TRDN: variants seen among roughly 807,000 people sequenced by gnomAD.
TRDN encodes triadin in skeletal muscle.
Under a neutral mutation model 149.7 loss-of-function variants are expected in TRDN, and 161 were observed. That is an observed-to-expected ratio of 1.08 (90% confidence interval 0.95 to 1.23). The LOEUF (loss-of-function observed/expected upper bound fraction) is 1.23, where lower values mean the gene tolerates loss of function less well. Among genes scored for constraint, TRDN ranks in the 50% most tolerant of loss-of-function variants. TRDN has a pLI of 0.00. For missense variants in TRDN, 896 were observed against 823.5 expected (o/e 1.09, Z -1.08); for synonymous variants, 294 against 250.5 (o/e 1.17, Z -1.64).
chr6:123,453,129 G>A (rs188669064), intron 10 of TRDN, among the ~76,000 whole-genome samples: 1 of 152,222 alleles, frequency 6.6e-6, no homozygotes, highest in East Asian at 1.9e-4. Flanking sequence ...TTAAACCTAA[G>A]ACATGAAACT....
At chr6:123,282,142 G>A (rs1292295411) in intron 24 of TRDN, among the ~76,000 whole-genome samples, 1 of 151,928 alleles carries the variant, frequency 6.6e-6, no homozygotes, top group Non-Finnish European at 1.5e-5. Flanking sequence ...GGCAGAGACT[G>A]GAGGATGGGA....
At chr6:123,360,228 G>A (rs943793394) in intron 20 of TRDN, among the ~76,000 whole-genome samples, 1 of 152,092 alleles carries the variant, frequency 6.6e-6, no homozygotes, top group African/African-American at 2.4e-5. Flanking sequence ...AAAATTCTGA[G>A]ATGGGGACAC....
At chr6:123,576,620 C>A (rs1333572928) in intron 1 of TRDN, among the ~76,000 whole-genome samples, 2 of 152,014 alleles carry the variant, frequency 1.3e-5, no homozygotes, top group Non-Finnish European at 2.9e-5. Flanking sequence ...CATTCATGGG[C>A]TCCACCTTCC....
intron 2 of TRDN, among the ~76,000 whole-genome samples, chr6:123,548,971 G>A (rs1781254745): frequency 6.6e-6 from 1 of 152,026 alleles, no homozygotes; most frequent in South Asian, 2.1e-4. Context: ...CATATTGTAT[G>A]GGACAGCATT....
intron 8 of TRDN, among the ~76,000 whole-genome samples, chr6:123,499,913 G>A (rs1412225639): frequency 1.3e-5 from 2 of 150,676 alleles, no homozygotes; most frequent in Admixed American, 1.3e-4. Flanking sequence ...GATGTGTATA[G>A]GTTATATGCA....
At chr6:123,477,302 T>G (rs1191741433) in intron 9 of TRDN, among the ~76,000 whole-genome samples, 3 of 136,586 alleles carry the variant, frequency 2.2e-5, no homozygotes, top group Non-Finnish European at 1.6e-5. Flanking sequence ...AAAAAACACA[T>G]GAAAAAATGC....
In TRDN at chr6:123,503,902, C is replaced by A; in HGVS notation, c.611-1G>T. ...TCTGCAGTCTTAGCTTTCTTCTGTTCTGTATAAAGTTAAAAGATGTTGAAA... is the reference window on the plus strand; with the variant it reads ...TCTGCAGTCTTAGCTTTCTTCTGTTATGTATAAAGTTAAAAGATGTTGAAA... On this transcript the variant is annotated splice_acceptor_variant, in intron 7 of 40. Transcript: ENST00000334268. LOFTEE classifies it high-confidence loss of function. 6.4e-7 allele frequency: 1 copy of A among 1,551,194 alleles called. No homozygotes were observed. Among genetic ancestry groups the A allele is most frequent in the African/African-American group, 1.4e-5 (1 of 72,900 alleles).
In TRDN at chr6:123,252,431, T is replaced by A; in HGVS notation, c.1956A>T (p.Glu652Asp). Residue 652 changes from glutamate (E) to aspartate (D), a missense_variant, in exon 38 of 41, where the codon GAA becomes GAT. Glu to Asp is a conservative substitution (Grantham distance 45). Transcript: ENST00000334268. ...SLQLHNVTKAEKPARVSKDVE... is the reference protein window; with the variant it reads ...SLQLHNVTKADKPARVSKDVE... Reference sequence around the variant, plus strand: ...ACTTACTTGATACTCTTGCAGGTTTTTCTGCTAAAAAGAGAAAATAAATAA... The same window carrying A: ...ACTTACTTGATACTCTTGCAGGTTTATCTGCTAAAAAGAGAAAATAAATAA... 1 of 1,522,488 alleles carries A rather than the reference T, an allele frequency of 6.6e-7. No homozygotes were observed. Among genetic ancestry groups the A allele is most frequent in the Non-Finnish European group, 9.0e-7 (1 of 1,115,736 alleles). 94.3% of individuals were successfully genotyped at this position (1,522,488 alleles called of 1,614,324 possible).
chr6:123,592,779 G>T (rs552301231), intron 1 of TRDN, among the ~76,000 whole-genome samples: 12 of 152,228 alleles, frequency 7.9e-5, no homozygotes, highest in Admixed American at 3.3e-4. Flanking sequence ...CATGTTTTTG[G>T]AACCTACTAA....
chr6:123,264,554 C>T (rs1002581651), intron 33 of TRDN, among the ~76,000 whole-genome samples: 1 of 152,100 alleles, frequency 6.6e-6, no homozygotes, highest in African/African-American at 2.4e-5. Flanking sequence ...TAGAACATTC[C>T]ATAAACTTAG....
chr6:123,438,044 A>G lies in TRDN; in HGVS notation c.1051+19T>C. 1 of 1,591,782 alleles carries G rather than the reference A, an allele frequency of 6.3e-7. No homozygotes were observed. Among genetic ancestry groups the G allele is most frequent in the Non-Finnish European group, 8.6e-7 (1 of 1,167,000 alleles). ...ATCCTGAACGTAATCCATCTAAGGA[A>G]ACAAAGAAAGTGCAATACCTTTTTT... On this transcript the variant is annotated intron_variant, in intron 12 of 40. Transcript: ENST00000334268.
At chr6:123,221,964 A>G (rs1041193959) in intron 39 of TRDN, among the ~76,000 whole-genome samples, 1 of 151,746 alleles carries the variant, frequency 6.6e-6, no homozygotes, top group Non-Finnish European at 1.5e-5. Flanking sequence ...TTGCCATGAA[A>G]GTAGAGCAGC....
chr6:123,431,266 C>T, intron 12 of TRDN, among the ~76,000 whole-genome samples: 1 of 152,116 alleles, frequency 6.6e-6, no homozygotes, highest in Non-Finnish European at 1.5e-5. Context: ...CTGGGAAATA[C>T]TGATTAAACC....
intron 1 of TRDN, among the ~76,000 whole-genome samples, chr6:123,583,467 A>C (rs1467798160): frequency 2.0e-5 from 3 of 151,876 alleles, no homozygotes; most frequent in African/African-American, 7.3e-5. Flanking sequence ...AGTCCTTTTT[A>C]AGTTGGTGGC....
chr6:123,422,496 A>G (rs757897264), intron 12 of TRDN, among the ~76,000 whole-genome samples: 19 of 152,130 alleles, frequency 1.2e-4, no homozygotes, highest in Non-Finnish European at 2.5e-4. Context: ...GAGAGCCATG[A>G]TAATACCCTT....
intron 1 of TRDN, among the ~76,000 whole-genome samples, chr6:123,633,962 A>C (rs1392957471): frequency 6.6e-6 from 1 of 152,044 alleles, no homozygotes; most frequent in Non-Finnish European, 1.5e-5. Flanking sequence ...TCTTCCCAAA[A>C]CTTGAGATGA....
chr6:123,421,050 G>A (rs1773877622), intron 12 of TRDN, among the ~76,000 whole-genome samples: 1 of 152,100 alleles, frequency 6.6e-6, no homozygotes, highest in Admixed American at 6.5e-5. Context: ...TAAAAGAGAG[G>A]AAACAGCAGA....
At chr6:123,238,515 A>G (rs886971273) in intron 38 of TRDN, among the ~76,000 whole-genome samples, 2 of 152,178 alleles carry the variant, frequency 1.3e-5, no homozygotes, top group South Asian at 4.1e-4. Context: ...CAATTTATAG[A>G]AGTCAAGAAA....
chr6:123,585,945 T>C (rs1337712678), intron 1 of TRDN, among the ~76,000 whole-genome samples: 4 of 152,130 alleles, frequency 2.6e-5, no homozygotes, highest in Admixed American at 6.6e-5. Context: ...AGGGCCAGAA[T>C]TTAATTTTTG....
Sources: allele counts gnomAD v4.1 joint callset (sites outside exome capture counted in the v4.1 genomes callset), GRCh38; gene constraint gnomAD v4.1.1; transcripts MANE v1.5; gene names NCBI Gene and HGNC (gene_info 2026-07-23, HGNC 2026-07-21).